UQCC1: variants seen among roughly 807,000 people sequenced by gnomAD.
UQCC1 encodes ubiquinol-cytochrome c reductase complex assembly factor 1.
A neutral mutation model predicts 48.0 loss-of-function variants in UQCC1; 38 were observed. The ratio of observed to expected loss-of-function variants is 0.79; its 90% CI spans 0.61 to 1.04. UQCC1 has a LOEUF of 1.04. Among genes scored for constraint, UQCC1 ranks in the 50% least tolerant of loss-of-function variants. The pLI is 0.00. For synonymous variants in UQCC1, 111 were observed against 129.2 expected, an observed-to-expected ratio of 0.86 and a Z score of 0.95; for missense variants, 368 against 381.8, an observed-to-expected ratio of 0.96 and a Z score of 0.30.
chr20:35,351,986 G>A (rs1259836329), intron 6 of UQCC1, among the ~76,000 whole-genome samples: 1 of 152,234 alleles, frequency 6.6e-6, no homozygotes, highest in Non-Finnish European at 1.5e-5. Flanking sequence ...TTATGGAGCA[G>A]TTTCCTCTAG....
At chr20:35,384,966 C>CAAAAAAAAAAAAAAAAAAAAAAAA (rs57141083) in intron 2 of UQCC1, among the ~76,000 whole-genome samples, 1 of 69,762 alleles carries the variant, frequency 1.4e-5, no homozygotes, top group African/African-American at 6.3e-5. Flanking sequence ...GAATCGGTCT[C>CAAAAAAAAAAAAAAAAAAAAAAAA]AAAAAAAAAA....
chr20:35,345,501 A>C (rs2061421994), intron 7 of UQCC1: 1 of 152,208 alleles, frequency 6.6e-6, no homozygotes, highest in African/African-American at 2.4e-5. Flanking sequence ...CTGAAAAAAT[A>C]CTTTTTTTCT....
intron 1 of UQCC1, among the ~76,000 whole-genome samples, chr20:35,403,541 C>T (rs1037474117): frequency 6.6e-6 from 1 of 152,110 alleles, no homozygotes; most frequent in African/African-American, 2.4e-5. Context: ...TGGCATTATT[C>T]CCAGACATCC....
intron 7 of UQCC1, among the ~76,000 whole-genome samples, chr20:35,326,619 GC>G (rs1488269315): frequency 2.0e-5 from 3 of 152,070 alleles, no homozygotes. Context: ...ATTACTCCGG[GC>G]CCTCTGCATT....
At chr20:35,392,741 A>T (rs1298206497) in intron 2 of UQCC1, among the ~76,000 whole-genome samples, 3 of 152,114 alleles carry the variant, frequency 2.0e-5, no homozygotes, top group Non-Finnish European at 4.4e-5. Flanking sequence ...AAAAAGCAAG[A>T]TGTCCTCAGA....
intron 5 of UQCC1, among the ~76,000 whole-genome samples, chr20:35,367,367 T>C (rs1176070726): frequency 6.6e-6 from 1 of 152,174 alleles, no homozygotes; most frequent in African/African-American, 2.4e-5. Flanking sequence ...TGGGCTCCAC[T>C]GAGAAGCTTA....
chr20:35,313,734 C>T (rs1445294498), intron 8 of UQCC1, among the ~76,000 whole-genome samples: 4 of 152,094 alleles, frequency 2.6e-5, no homozygotes, highest in African/African-American at 9.7e-5. Flanking sequence ...CCTCTCATGC[C>T]TCACCTTCCC....
intron 2 of UQCC1, among the ~76,000 whole-genome samples, chr20:35,385,022 ATCTAAGTCAATT>A (rs769602371): frequency 1.1e-4 from 16 of 151,568 alleles, no homozygotes; most frequent in South Asian, 4.2e-4. Flanking sequence ...CTGGAACTAC[ATCTAAGTCAATT>A]CTAGGAAACA....
intron 7 of UQCC1, among the ~76,000 whole-genome samples, chr20:35,318,448 A>C (rs1366245218): frequency 1.3e-5 from 2 of 152,128 alleles, no homozygotes; most frequent in Admixed American, 1.3e-4. Flanking sequence ...CAAACATACA[A>C]ACACATTTTC....
rs2058738981 is a variant in UQCC1, at chr20:35,303,820, G to T, written c.*115C>A. On this transcript the variant is annotated 3_prime_UTR_variant, in exon 10 of 10. Coordinates refer to ENST00000374385, the MANE Select transcript of UQCC1 (RefSeq NM_018244.5). ...CACAAATGGGGCCAGGTATTTGACA[G>T]ATGCTGTTCAGAGGTCAGTTCAGGC... 7.2e-7 allele frequency: 1 copy of T among 1,397,990 alleles called. No homozygotes were observed. The highest frequency in any genetic ancestry group is 1.0e-6 in the Non-Finnish European group (1 of 1,002,168). 86.6% of individuals were successfully genotyped at this position (1,397,990 alleles called of 1,614,324 possible).
chr20:35,339,579 T>A (rs1179868283), intron 7 of UQCC1, among the ~76,000 whole-genome samples: 1 of 152,134 alleles, frequency 6.6e-6, no homozygotes. Flanking sequence ...GCACTTGAAC[T>A]TTTTTGGAGG....
intron 6 of UQCC1, among the ~76,000 whole-genome samples, chr20:35,360,474 A>T (rs2061593483): frequency 6.6e-6 from 1 of 152,184 alleles, no homozygotes; most frequent in Non-Finnish European, 1.5e-5. Flanking sequence ...TCAGCTTATG[A>T]AATCATTCCA....
chr20:35,337,224 T>C (rs2061325152), intron 7 of UQCC1, among the ~76,000 whole-genome samples: 1 of 151,876 alleles, frequency 6.6e-6, no homozygotes, highest in Non-Finnish European at 1.5e-5. Context: ...AGTCTTGCTC[T>C]GTCGCCCAGG....
chr20:35,313,864 T>G (rs1053504935), intron 8 of UQCC1, among the ~76,000 whole-genome samples: 1 of 152,178 alleles, frequency 6.6e-6, no homozygotes, highest in African/African-American at 2.4e-5. Context: ...CACCTCGGCC[T>G]CCCAAGGTGC....
chr20:35,344,958 AC>A (rs1189543695), intron 7 of UQCC1: 1 of 152,244 alleles, frequency 6.6e-6, no homozygotes, highest in Non-Finnish European at 1.5e-5. Context: ...AGTTGTGCCT[AC>A]ATAATGCAGC....
chr20:35,316,609 A>G (rs2061061896), intron 7 of UQCC1, among the ~76,000 whole-genome samples: 1 of 152,124 alleles, frequency 6.6e-6, no homozygotes. Context: ...TGTACACAGG[A>G]TGTTATCTTA....
At chr20:35,358,734 A>AT (rs2061574796) in intron 6 of UQCC1, among the ~76,000 whole-genome samples, 1 of 151,992 alleles carries the variant, frequency 6.6e-6, no homozygotes, top group Non-Finnish European at 1.5e-5. Flanking sequence ...CAATTTTTGT[A>AT]TTTTTAGTAC....
Position 35,303,807 on chromosome 20 carries a change from C to G in UQCC1, c.*128G>C. The G allele has an allele frequency of 7.7e-7, 1 of 1,291,040 alleles. No homozygotes were observed. Among genetic ancestry groups the G allele is most frequent in the Non-Finnish European group, 1.1e-6 (1 of 914,318 alleles). 80.0% of individuals were successfully genotyped at this position (1,291,040 alleles called of 1,614,324 possible). On this transcript the variant is annotated 3_prime_UTR_variant, in exon 10 of 10. Transcript: ENST00000374385. Reference sequence around the variant, plus strand: ...AGAGGAAACTCAACACAAATGGGGCCAGGTATTTGACAGATGCTGTTCAGA... The same window carrying G: ...AGAGGAAACTCAACACAAATGGGGCGAGGTATTTGACAGATGCTGTTCAGA...
intron 7 of UQCC1, among the ~76,000 whole-genome samples, chr20:35,338,309 C>T (rs1370873129): frequency 1.3e-5 from 2 of 152,172 alleles, no homozygotes; most frequent in Non-Finnish European, 2.9e-5. Flanking sequence ...TCAAGAAAAG[C>T]TGTCCTCTTG....
Sources: gnomAD v4.1 joint callset for allele counts (sites outside exome capture counted in the v4.1 genomes callset) on GRCh38, gnomAD v4.1.1 for gene constraint, MANE v1.5 for transcripts, NCBI Gene and HGNC (gene_info 2026-07-23, HGNC 2026-07-21) for gene names.